Variants in VEZT observed in about 807,000 individuals in gnomAD.
The protein encoded by VEZT is vezatin, adherens junctions transmembrane protein, also known as vezatin.
A neutral mutation model predicts 79.9 loss-of-function variants in VEZT; 39 were observed. The observed-to-expected ratio is 0.49, with a 90% CI of 0.38 to 0.64. The LOEUF (loss-of-function observed/expected upper bound fraction) is 0.64, where lower values mean the gene tolerates loss of function less well. Among genes scored for constraint, VEZT ranks in the 30% least tolerant of loss-of-function variants. VEZT has a pLI of 0.00. For synonymous variants in VEZT, 325 were observed against 327.6 expected, an observed-to-expected ratio of 0.99 and a Z score of 0.09; for missense variants, 837 against 893.1, an observed-to-expected ratio of 0.94 and a Z score of 0.80.
chr12:95,296,039 A>C lies in VEZT; in HGVS notation c.1624-12A>C. ...CTTCAAGTAAAGTGCTTTTTCTTCT[A>C]TTCATTTTCAGGAATTAGAAGCTTA... On this transcript the variant is annotated splice_polypyrimidine_tract_variant and intron_variant, in intron 10 of 11. Transcript: ENST00000436874. The C allele has an allele frequency of 2.0e-6, 3 of 1,515,796 alleles. No homozygotes were observed. Among genetic ancestry groups the C allele is most frequent in the East Asian group, 4.9e-5 (2 of 40,636 alleles). The allele number at this position is 1,515,796 out of a possible 1,614,324, so 93.9% of individuals were successfully genotyped here.
In VEZT at chr12:95,270,294, A is replaced by G. The variant is rs2066346745; in HGVS notation, c.848+106A>G. ...AGTTTACTGTAAAGTGAGATTGCCTATTTTGAAGCTAATTTCCATCATCAA... is the reference window on the plus strand; with the variant it reads ...AGTTTACTGTAAAGTGAGATTGCCTGTTTTGAAGCTAATTTCCATCATCAA... On this transcript the variant is annotated intron_variant, in intron 6 of 11. Transcript: ENST00000436874. 5 of 1,165,396 alleles carry G rather than the reference A, an allele frequency of 4.3e-6. No homozygotes were observed. The South Asian group carries it at 7.7e-5, about 18-fold the overall frequency. 72.2% of individuals were successfully genotyped at this position (1,165,396 alleles called of 1,614,324 possible). A position where few individuals can be genotyped will look rare whatever the true frequency, so the allele number is the denominator to read the frequency against.
intron 1 of VEZT, among the ~76,000 whole-genome samples, chr12:95,236,494 C>T (rs2060212395): frequency 6.6e-6 from 1 of 151,886 alleles, no homozygotes; most frequent in African/African-American, 2.4e-5. Context: ...GACTAGAGTA[C>T]CATTGTTTCT....
At chr12:95,257,848 A>C (rs760320535) in intron 3 of VEZT, among the ~76,000 whole-genome samples, 8 of 151,876 alleles carry the variant, frequency 5.3e-5, no homozygotes, top group Admixed American at 1.3e-4. Flanking sequence ...CTGTAAATTA[A>C]CATTTGTAAG....
rs201653027 is a variant in VEZT at position 95,300,530 on chromosome 12, C to T, written c.2197C>T (p.Pro733Ser). The change falls in exon 12 of 12, where the codon CCA becomes TCA. Residue 733 changes from proline to serine, a missense_variant. Coordinates refer to ENST00000436874, the MANE Select transcript of VEZT (RefSeq NM_017599.4). ...GAGGCTGGCACGGCTACAGCTGTCA[C>T]CAGATTTTACCTTCACTGCTGGCCT... ...KQRLARLQLS[P>S]DFTFTAGLAA... The T allele has an allele frequency of 1.9e-4, 301 of 1,613,888 alleles. 3 individuals are homozygous for T. The highest frequency in any genetic ancestry group is 1.8e-5 in the Non-Finnish European group (21 of 1,179,880).
intron 8 of VEZT, among the ~76,000 whole-genome samples, chr12:95,287,255 A>G (rs993044141): frequency 1.3e-5 from 2 of 152,166 alleles, no homozygotes; most frequent in East Asian, 3.8e-4. Flanking sequence ...AAGTGTATAC[A>G]CATTGTTGTG....
chr12:95,273,737 C>A (rs1233239893), intron 6 of VEZT, among the ~76,000 whole-genome samples: 1 of 151,846 alleles, frequency 6.6e-6, no homozygotes, highest in Non-Finnish European at 1.5e-5. Flanking sequence ...AGAATAAAAA[C>A]CAGTTGTATT....
intron 1 of VEZT, among the ~76,000 whole-genome samples, chr12:95,249,867 T>C (rs1214396735): frequency 6.6e-6 from 1 of 152,030 alleles, no homozygotes; most frequent in Admixed American, 6.6e-5. Flanking sequence ...TCTAACTGAG[T>C]GAACCCGTTT....
intron 1 of VEZT, chr12:95,218,526 G>T (rs186824611): frequency 6.6e-6 from 1 of 152,232 alleles, no homozygotes; most frequent in East Asian, 1.9e-4. Flanking sequence ...ATTTTAAGAC[G>T]TTCTCTGCCA....
chr12:95,262,862 T>TTA, intron 3 of VEZT, 44 bp from the exon 4 acceptor site: 1 of 1,456,166 alleles, frequency 6.9e-7, no homozygotes, highest in Admixed American at 2.2e-5. Context: ...TAATGCAATA[T>TTA]TATATATGTG....
At chr12:95,259,024 A>G (rs1019086929) in intron 3 of VEZT, among the ~76,000 whole-genome samples, 4 of 152,132 alleles carry the variant, frequency 2.6e-5, no homozygotes, top group Non-Finnish European at 1.5e-5. Flanking sequence ...ATCAAGTCCA[A>G]ATTTGTCACG....
At chr12:95,234,785 C>G (rs11612866) in intron 1 of VEZT, among the ~76,000 whole-genome samples, 1 of 151,994 alleles carries the variant, frequency 6.6e-6, no homozygotes, top group African/African-American at 2.4e-5. Flanking sequence ...TCTGGTTTTC[C>G]TAGGCAGAGG....
At chr12:95,295,999 C>A in intron 10 of VEZT, 52 bp from the exon 11 acceptor site, 2 of 1,303,262 alleles carry the variant, frequency 1.5e-6, no homozygotes, top group Non-Finnish European at 2.1e-6. Flanking sequence ...TGAATGCTTA[C>A]TAGAGAATTG....
intron 11 of VEZT, among the ~76,000 whole-genome samples, chr12:95,297,205 G>T (rs796611639): frequency 6.6e-6 from 1 of 152,174 alleles, no homozygotes; most frequent in Admixed American, 6.5e-5. Context: ...ATCAGGGGAA[G>T]CTTAATACTT....
At chr12:95,241,565 C>T (rs767088505) in intron 1 of VEZT, among the ~76,000 whole-genome samples, 1 of 152,090 alleles carries the variant, frequency 6.6e-6, no homozygotes, top group Non-Finnish European at 1.5e-5. Flanking sequence ...GCCTTGGCCT[C>T]CCAAAGTACT....
chr12:95,228,168 T>A lies in VEZT; in HGVS notation c.36+10282T>A, dbSNP rs182353405. The stretch of plus-strand genomic sequence containing the variant: ...CCTTTGTTGGCAGTATGTTCAGCTT[T>A]CGCCCTTTTCTCCCATAGCATTTAA... On this transcript the variant is annotated intron_variant, in intron 1 of 11. Transcript: ENST00000436874. Among the ~76,000 whole-genome samples the A allele has an allele frequency of 1.4e-3, 214 of 152,356 alleles. 2 individuals carry two copies. The highest frequency in any genetic ancestry group is 2.7e-3 in the Non-Finnish European group (184 of 68,036).
chr12:95,217,977 A>G (rs1411300142), intron 1 of VEZT, 91 bp downstream of exon 1: 1 of 1,335,394 alleles, frequency 7.5e-7, no homozygotes, highest in Non-Finnish European at 9.9e-7. Flanking sequence ...GGGGCGAGGG[A>G]TCGGGTGACG....
At chr12:95,271,409 A>G (rs2066566085) in intron 6 of VEZT, among the ~76,000 whole-genome samples, 1 of 152,194 alleles carries the variant, frequency 6.6e-6, no homozygotes, top group African/African-American at 2.4e-5. Flanking sequence ...ATAATATTAT[A>G]TAAGTGCCGT....
rs1379372437 is a variant in VEZT at position 95,302,756 on chromosome 12, G to A, written c.*2083G>A. 1 of 152,064 alleles carries A rather than the reference G, an allele frequency of 6.6e-6. No individual in the cohort carries two copies. Among genetic ancestry groups the A allele is most frequent in the Non-Finnish European group, 1.5e-5 (1 of 68,010 alleles). 9.4% of individuals were successfully genotyped at this position (152,064 alleles called of 1,614,324 possible). A position where few individuals can be genotyped will look rare whatever the true frequency, so the allele number is the denominator to read the frequency against. Reference sequence around the variant, plus strand: ...GTTGGTCTTTTTGGAATGAGCCATAGGTAATGTTTATGTCCAATAAAATCT... The same window carrying A: ...GTTGGTCTTTTTGGAATGAGCCATAAGTAATGTTTATGTCCAATAAAATCT... On this transcript the variant is annotated 3_prime_UTR_variant, in exon 12 of 12. Coordinates refer to ENST00000436874, the MANE Select transcript of VEZT (RefSeq NM_017599.4).
At chr12:95,223,673 A>G (rs1465062709) in intron 1 of VEZT, among the ~76,000 whole-genome samples, 2 of 151,030 alleles carry the variant, frequency 1.3e-5, no homozygotes, top group East Asian at 3.9e-4. Context: ...CTGGTCTTGA[A>G]CTCCTGACCT....
Sources: gnomAD v4.1 joint callset for allele counts (sites outside exome capture counted in the v4.1 genomes callset) on GRCh38, gnomAD v4.1.1 for gene constraint, MANE v1.5 for transcripts, NCBI Gene and HGNC (gene_info 2026-07-23, HGNC 2026-07-21) for gene names.